Variants in UPRT observed in about 807,000 individuals in gnomAD.
UPRT encodes the protein RP11-311P8.3.
In UPRT, 5 loss-of-function variants were observed where a neutral mutation model predicts 22.6. The ratio of observed to expected loss-of-function variants is 0.22; its 90% CI spans 0.12 to 0.47. UPRT has a LOEUF of 0.47. UPRT is among the 20% of genes least tolerant of loss of function. UPRT has a pLI of 0.99. For missense variants in UPRT, 181 were observed against 239.9 expected, an observed-to-expected ratio of 0.75 and a Z score of 1.62; for synonymous variants, 77 against 87.7, an observed-to-expected ratio of 0.88 and a Z score of 0.68.
rs191441762 is a variant in UPRT at position 75,250,546 on chromosome X, C to A, written c.-446-40478C>A. 5.1e-3 allele frequency among the ~76,000 whole-genome samples: 573 copies of A among 111,304 alleles called. 5 individuals carry two copies. Among genetic ancestry groups the A allele is most frequent in the Non-Finnish European group, 2.9e-3 (155 of 52,997 alleles). Reference sequence around the variant, plus strand: ...AATCCCTGAATAGACCAATAACAGGCTCTGAAATTGAGGCAATAATTAATA... The same window carrying A: ...AATCCCTGAATAGACCAATAACAGGATCTGAAATTGAGGCAATAATTAATA... On this transcript the variant is annotated intron_variant, in intron 4 of 13. Transcript: ENST00000652605.
chrX:75,287,828 G>A (rs1290087244), intron 1 of UPRT, among the ~76,000 whole-genome samples: 1 of 111,341 alleles, frequency 9.0e-6, no homozygotes, highest in African/African-American at 3.3e-5. Context: ...TAAAGTCGGA[G>A]TGGAAGTGAA....
chrX:75,243,872 A>G (rs1215110661), intron 4 of UPRT, among the ~76,000 whole-genome samples: 1 of 111,674 alleles, frequency 9.0e-6, no homozygotes, highest in African/African-American at 3.2e-5. Flanking sequence ...CTTTGTTTCA[A>G]TGTTTTTCCT....
intron 4 of UPRT, among the ~76,000 whole-genome samples, chrX:75,172,589 C>T (rs898037946): frequency 3.6e-5 from 4 of 111,827 alleles, no homozygotes; most frequent in African/African-American, 6.5e-5. Context: ...AATGAAGCCA[C>T]GGACCCTTGC....
rs1264306736 is a variant in UPRT, at chrX:75,233,187, C to T, written c.-446-57837C>T. Among the ~76,000 whole-genome samples, 13 of 110,473 alleles carry T rather than the reference C, an allele frequency of 1.2e-4. No individual in the cohort carries two copies. The East Asian group carries it at 2.8e-3, about 24-fold the overall frequency. On this transcript the variant is annotated intron_variant, in intron 4 of 13. Transcript: ENST00000652605. Reference sequence around the variant, plus strand: ...GATCAACTGGAAGAAAGGGTATCAGCAATGGAAGATGAAATGAATGAAATG... The same window carrying T: ...GATCAACTGGAAGAAAGGGTATCAGTAATGGAAGATGAAATGAATGAAATG...
chrX:75,282,231 T>G (rs2082660409), intron 1 of UPRT, among the ~76,000 whole-genome samples: 1 of 28,801 alleles, frequency 3.5e-5, no homozygotes, highest in African/African-American at 4.8e-5. Flanking sequence ...TTCATTTATC[T>G]TATATTTTTT....
At chrX:75,176,587 A>T (rs2082247429) in intron 4 of UPRT, among the ~76,000 whole-genome samples, 1 of 111,121 alleles carries the variant, frequency 9.0e-6, no homozygotes, top group Admixed American at 9.6e-5. Context: ...CTTGAAGGGG[A>T]CATAACCGAT....
intron 4 of UPRT, among the ~76,000 whole-genome samples, chrX:75,192,859 AT>A (rs1448539584): frequency 9.0e-6 from 1 of 111,575 alleles, no homozygotes; most frequent in Non-Finnish European, 1.9e-5. Flanking sequence ...GCATCATTGC[AT>A]GGGGGATGGG....
chrX:75,281,837 T>A (rs1426167873), intron 1 of UPRT, among the ~76,000 whole-genome samples: 1 of 111,649 alleles, frequency 9.0e-6, no homozygotes, highest in East Asian at 2.8e-4. Context: ...TCAAAAGGAA[T>A]GTTTTCAATT....
intron 4 of UPRT, among the ~76,000 whole-genome samples, chrX:75,227,098 CGTCCA>C (rs1388477413): frequency 1.8e-5 from 2 of 111,161 alleles, no homozygotes; most frequent in Admixed American, 9.6e-5. Flanking sequence ...TCCACTCCAT[CGTCCA>C]GTCAAGTCTT....
chrX:75,301,928 T>C (rs1045590515), intron 6 of UPRT, among the ~76,000 whole-genome samples: 5 of 112,227 alleles, frequency 4.5e-5, no homozygotes, highest in Non-Finnish European at 9.4e-5. Context: ...TTAATAGTGG[T>C]TATTTTAGGC....
intron 4 of UPRT, among the ~76,000 whole-genome samples, chrX:75,241,855 T>C (rs967169015): frequency 3.6e-5 from 4 of 109,677 alleles, no homozygotes; most frequent in Admixed American, 9.8e-5. Flanking sequence ...TCACTTATAA[T>C]TGGGAACTAC....
At chrX:75,187,395 G>A (rs2082296927) in intron 4 of UPRT, among the ~76,000 whole-genome samples, 1 of 111,805 alleles carries the variant, frequency 8.9e-6, no homozygotes, top group Non-Finnish European at 1.9e-5. Flanking sequence ...GAGATCCGCT[G>A]TTAGTCTGAT....
intron 4 of UPRT, among the ~76,000 whole-genome samples, chrX:75,175,557 G>T (rs907685977): frequency 2.9e-4 from 32 of 111,726 alleles, no homozygotes; most frequent in African/African-American, 1.0e-3. Flanking sequence ...CTCAGTGAGG[G>T]TGATGACATG....
intron 4 of UPRT, among the ~76,000 whole-genome samples, chrX:75,232,254 G>A (rs1361781961): frequency 8.9e-6 from 1 of 112,476 alleles, no homozygotes; most frequent in Non-Finnish European, 1.9e-5. Flanking sequence ...CGGCGCACAG[G>A]GAGATTATAT....
intron 1 of UPRT, chrX:75,274,843 C>T (rs1172850308): frequency 4.7e-6 from 2 of 428,386 alleles, no homozygotes; most frequent in Non-Finnish European, 7.4e-6. Context: ...CCAACCTTCT[C>T]TTTCCAAGTT....
intron 4 of UPRT, among the ~76,000 whole-genome samples, chrX:75,223,747 G>A (rs749438824): frequency 9.0e-6 from 1 of 111,714 alleles, no homozygotes; most frequent in South Asian, 3.8e-4. Context: ...AGCAATTCAA[G>A]ACTGTATTTC....
intron 4 of UPRT, among the ~76,000 whole-genome samples, chrX:75,207,771 A>T (rs1447304593): frequency 1.1e-4 from 12 of 111,585 alleles, no homozygotes; most frequent in African/African-American, 3.6e-4. Context: ...CAGGGTGGCC[A>T]GCCTTGGATG....
intron 4 of UPRT, among the ~76,000 whole-genome samples, chrX:75,220,517 G>T (rs1432550962): frequency 2.7e-5 from 3 of 110,602 alleles, no homozygotes; most frequent in Non-Finnish European, 5.7e-5. Context: ...TTTAGTGGGG[G>T]TGATTTTCTT....
chrX:75,230,431 T>C (rs983636247), intron 4 of UPRT, among the ~76,000 whole-genome samples: 4 of 111,572 alleles, frequency 3.6e-5, no homozygotes, highest in Non-Finnish European at 5.6e-5. Context: ...AGGGCAAGAT[T>C]ATATCCCCCT....
Sources: gnomAD v4.1 joint callset for allele counts (sites outside exome capture counted in the v4.1 genomes callset) on GRCh38, gnomAD v4.1.1 for gene constraint, MANE v1.5 for transcripts, NCBI Gene and HGNC (gene_info 2026-07-23, HGNC 2026-07-21) for gene names.